ASGR1: variants seen among roughly 807,000 people sequenced by gnomAD.
The protein encoded by ASGR1 is C-type lectin domain family 4 member H1.
A neutral mutation model predicts 33.1 loss-of-function variants in ASGR1; 35 were observed. The ratio of observed to expected loss-of-function variants is 1.06; its 90% CI spans 0.81 to 1.40. The LOEUF is 1.40. Among genes scored for constraint, ASGR1 ranks in the 40% most tolerant of loss-of-function variants. The pLI, the probability that ASGR1 is intolerant of heterozygous loss-of-function variation, is 0.00. For synonymous variants in ASGR1, 142 were observed against 152.5 expected (o/e 0.93, Z 0.51); for missense variants, 396 against 373.7 (o/e 1.06, Z -0.49).
intron 5 of ASGR1, among the ~76,000 whole-genome samples, chr17:7,175,955 A>AACACACATACACACGTTCTC (rs2069196932): frequency 2.1e-5 from 3 of 141,916 alleles, no homozygotes; most frequent in Non-Finnish European, 4.6e-5. Flanking sequence ...AACACACACT[A>AACACACATACACACGTTCTC]ACACACATAC....
At chr17:7,175,280 CCTAAT>C (rs1175827358) in intron 5 of ASGR1, among the ~76,000 whole-genome samples, 2 of 147,752 alleles carry the variant, frequency 1.4e-5, no homozygotes, top group Non-Finnish European at 3.0e-5. Context: ...CGGAACACAC[CCTAAT>C]CTACAGTCAC....
intron 5 of ASGR1, 110 bp downstream of exon 5, chr17:7,176,720 T>A (rs2069219120): frequency 3.5e-6 from 5 of 1,430,858 alleles, no homozygotes; most frequent in Non-Finnish European, 4.8e-6. Flanking sequence ...ACACACACAC[T>A]CCCTCTCATT....
intron 5 of ASGR1, among the ~76,000 whole-genome samples, chr17:7,175,881 TCA>T (rs1452284235): frequency 1.4e-4 from 18 of 131,426 alleles, no homozygotes; most frequent in Non-Finnish European, 2.5e-4. Context: ...ACACACAGTC[TCA>T]CAGACACTCC....
At chr17:7,178,223 C>G (rs2142770704) in intron 2 of ASGR1, 1 of 506,710 alleles carries the variant, frequency 2.0e-6, no homozygotes, top group East Asian at 3.3e-5. Context: ...CCTCATCTCT[C>G]CAGCTTCCAG....
chr17:7,176,385 GACTC>G (rs1456405723), intron 5 of ASGR1, among the ~76,000 whole-genome samples: 14 of 126,342 alleles, frequency 1.1e-4, no homozygotes, highest in Non-Finnish European at 1.5e-4. Context: ...CTTACACTCA[GACTC>G]ACACACACCT....
At chr17:7,175,795 ACACT>A (rs762908177) in intron 5 of ASGR1, among the ~76,000 whole-genome samples, 2 of 148,986 alleles carry the variant, frequency 1.3e-5, no homozygotes, top group African/African-American at 5.0e-5. Flanking sequence ...ACACACACAC[ACACT>A]CCCTCTCATT....
At position 7,174,223 on chromosome 17, in the gene ASGR1, CGA is replaced by C. The variant is rs1567792038; in HGVS notation, c.507_508del (p.Arg170LeufsTer7). 1 of 1,614,226 alleles carries C rather than the reference CGA, an allele frequency of 6.2e-7. No homozygotes were observed. The highest frequency in any genetic ancestry group is 2.2e-5 in the East Asian group (1 of 44,892). Reference sequence around the variant, plus strand: ...GGCGTCAGCCCAGGCCTTCCCGGAGCGAGAGAACCAGTAGCAGCTGCGCTCGT... The same window carrying C: ...GGCGTCAGCCCAGGCCTTCCCGGAGCGAGAACCAGTAGCAGCTGCGCTCGT... On this transcript the variant is annotated frameshift_variant, in exon 7 of 9. Transcript: ENST00000269299. LOFTEE classifies it high-confidence loss of function.
At position 7,179,302 on chromosome 17, in the gene ASGR1, G is replaced by A. The variant is rs1374059996; in HGVS notation, c.-138C>T. 1 of 152,554 alleles carries A rather than the reference G, an allele frequency of 6.6e-6. No homozygotes were observed. The highest frequency in any genetic ancestry group is 1.9e-4 in the East Asian group (1 of 5,198). 9.5% of individuals were successfully genotyped at this position (152,554 alleles called of 1,614,324 possible). On this transcript the variant is annotated 5_prime_UTR_variant, in exon 1 of 9. Coordinates refer to ENST00000269299, the MANE Select transcript of ASGR1 (RefSeq NM_001671.5). ...GGGTGGGCGGACAGCCGTGGACAAT[G>A]GGAGGGGAGCGGGCAGGGTCCATAG...
At chr17:7,175,088 CAG>C (rs1272396157) in intron 5 of ASGR1, among the ~76,000 whole-genome samples, 5 of 146,860 alleles carry the variant, frequency 3.4e-5, no homozygotes, top group African/African-American at 1.0e-4. Flanking sequence ...CCCACATACA[CAG>C]ACAACACACA....
intron 5 of ASGR1, among the ~76,000 whole-genome samples, chr17:7,175,735 C>A (rs1051963390): frequency 8.1e-5 from 12 of 148,730 alleles, no homozygotes; most frequent in African/African-American, 3.0e-4. Context: ...ACAGACTCTC[C>A]CACTCACAAA....
rs140607573 is a variant in ASGR1, at chr17:7,177,294, G to A, written c.103C>T (p.Leu35Phe). Residue 35 changes from leucine (L) to phenylalanine (F), a missense_variant, in exon 3 of 9, where the codon CTC becomes TTC. Leu to Phe is a conservative substitution (Grantham distance 22). Transcript: ENST00000269299. ...PPPPQPLLQR[L>F]CSGPRLLLLS... ...AGGAGGAGGCGAGGTCCGGAGCAGA[G>A]ACGCTGCAGGAGGGGCTGGGGAGGA... 180 of 1,613,790 alleles carry A rather than the reference G, an allele frequency of 1.1e-4. No homozygotes were observed. In the African/African-American group the frequency reaches 2.0e-3, roughly 18 times the overall value.
intron 5 of ASGR1, among the ~76,000 whole-genome samples, chr17:7,175,775 AC>A: frequency 7.0e-6 from 1 of 142,636 alleles, no homozygotes; most frequent in South Asian, 2.2e-4. Context: ...TCATTTTCAC[AC>A]AGGCTCTCAC....
intron 3 of ASGR1, 51 bp from the exon 4 acceptor site, chr17:7,177,127 A>G: frequency 6.2e-7 from 1 of 1,612,678 alleles, no homozygotes. Context: ...TGTGTCCGCC[A>G]CCACTGCACC....
intron 5 of ASGR1, among the ~76,000 whole-genome samples, chr17:7,175,255 C>G (rs916691738): frequency 6.7e-6 from 1 of 148,506 alleles, no homozygotes; most frequent in Non-Finnish European, 1.5e-5. Context: ...CAACATACAC[C>G]CTCACACACA....
Position 7,173,864 on chromosome 17 carries a change from A to G in ASGR1, c.702-31T>C. On this transcript the variant is annotated intron_variant, in intron 8 of 8. Transcript: ENST00000269299. This position sits in a 1 kb window ranked among gnomAD's most constrained non-coding sequence, Gnocchi z 4.7. ...GACAGAGCCAGCTGTGGGCCCCAGGAGGTCGGATCCGCAGGCGGGTCGCTC... is the reference window on the plus strand; with the variant it reads ...GACAGAGCCAGCTGTGGGCCCCAGGGGGTCGGATCCGCAGGCGGGTCGCTC... The G allele has an allele frequency of 6.2e-7, 1 of 1,607,248 alleles. No homozygotes were observed. The highest frequency in any genetic ancestry group is 1.1e-5 in the South Asian group (1 of 90,948).
chr17:7,178,479 C>T lies in ASGR1; in HGVS notation c.70+15G>A. 1 of 1,612,730 alleles carries T rather than the reference C, an allele frequency of 6.2e-7. No homozygotes were observed. Among genetic ancestry groups the T allele is most frequent in the Middle Eastern group, 1.7e-4 (1 of 6,058 alleles). On this transcript the variant is annotated intron_variant, in intron 2 of 8. Transcript: ENST00000269299. Reference sequence around the variant, plus strand: ...AAATTCTCGCCTTGCAGAGGCAGGGCAAGGTGGCCCTCACCTTTTCTGAGC... The same window carrying T: ...AAATTCTCGCCTTGCAGAGGCAGGGTAAGGTGGCCCTCACCTTTTCTGAGC...
chr17:7,178,655 C>T, intron 1 of ASGR1, 67 bp from the exon 2 acceptor site: 1 of 1,044,932 alleles, frequency 9.6e-7, no homozygotes, highest in South Asian at 1.4e-5. Context: ...ATGAGGGGCC[C>T]ATCTCTTTAC....
In ASGR1 at chr17:7,174,460, T is replaced by C. The variant is rs2069170729; in HGVS notation, c.356A>G (p.Asp119Gly). Residue 119 changes from aspartate (D) to glycine (G), a missense_variant and splice_region_variant, in exon 6 of 9, where the codon GAT becomes GGT. Physicochemically the swap from Asp to Gly is moderately conservative, Grantham distance 94 (BLOSUM62 -1). Coordinates refer to ENST00000269299, the MANE Select transcript of ASGR1 (RefSeq NM_001671.5). ...CACGTGGAGCAGCAGGCTGGAGTGA[T>C]CTGGGGAGACCGGGCGGAGGGGAGC... ...LEKQQKDLSE[D>G]HSSLLLHVKQ... 4 of 1,612,320 alleles carry C rather than the reference T, an allele frequency of 2.5e-6. No individual in the cohort carries two copies. Among genetic ancestry groups the C allele is most frequent in the Non-Finnish European group, 3.4e-6 (4 of 1,179,296 alleles).
intron 5 of ASGR1, 36 bp downstream of exon 5, chr17:7,176,791 TTCA>T: frequency 1.3e-6 from 2 of 1,482,982 alleles, no homozygotes; most frequent in African/African-American, 2.2e-5. Flanking sequence ...CTCACTCTCT[TTCA>T]CACACACACA....
Sources: allele counts gnomAD v4.1 joint callset (sites outside exome capture counted in the v4.1 genomes callset), GRCh38; gene constraint gnomAD v4.1.1; non-coding constraint Gnocchi (gnomAD v3.1); transcripts MANE v1.5; gene names NCBI Gene and HGNC (gene_info 2026-07-23, HGNC 2026-07-21).